ZNF385D: variants seen among roughly 807,000 people sequenced by gnomAD.
ZNF385D encodes the protein zinc finger protein 385D, also known as zinc finger protein 659.
ZNF385D carries 15 observed loss-of-function variants against 35.8 expected under a neutral mutation model. That is an observed-to-expected ratio of 0.42 (90% CI 0.28 to 0.64). The LOEUF is 0.64. ZNF385D is among the 30% of genes least tolerant of loss of function. The probability of loss-of-function intolerance (pLI) is 0.23; values close to 1 mark genes in which losing one functional copy is unlikely to be tolerated. For missense variants in ZNF385D, 474 were observed against 494.6 expected (o/e 0.96, Z 0.39); for synonymous variants, 212 against 186.8 (o/e 1.13, Z -1.10).
chr3:22,078,249 T>C (rs559005047), intron 3 of ZNF385D, among the ~76,000 whole-genome samples: 4 of 152,168 alleles, frequency 2.6e-5, no homozygotes, highest in African/African-American at 9.6e-5. Context: ...AATGATTTGG[T>C]TGTTTGGTGT....
intron 3 of ZNF385D, among the ~76,000 whole-genome samples, chr3:22,115,227 G>A (rs1312334993): frequency 3.3e-5 from 5 of 152,034 alleles, no homozygotes. Context: ...CAGGCCATGA[G>A]CAAAATTTAC....
chr3:22,359,009 T>C (rs1696283513), intron 2 of ZNF385D, among the ~76,000 whole-genome samples: 1 of 147,012 alleles, frequency 6.8e-6, no homozygotes, highest in Non-Finnish European at 1.5e-5. Context: ...TTTCTGACAT[T>C]AGGCAAAAAA....
chr3:21,846,779 G>T (rs573954996), intron 3 of ZNF385D, among the ~76,000 whole-genome samples: 2 of 151,922 alleles, frequency 1.3e-5, no homozygotes, highest in African/African-American at 4.8e-5. Context: ...TTAATGGTGC[G>T]CCCAGGAGAA....
intron 2 of ZNF385D, among the ~76,000 whole-genome samples, chr3:22,353,814 G>A (rs990324590): frequency 6.6e-6 from 1 of 152,058 alleles, no homozygotes; most frequent in South Asian, 2.1e-4. Flanking sequence ...GAGCAAATGA[G>A]TGTATCTTTT....
At position 21,660,032 on chromosome 3, in the gene ZNF385D, C is replaced by T. The variant is rs549583924; in HGVS notation, c.165+4854G>A. On this transcript the variant is annotated intron_variant, in intron 2 of 7. Transcript: ENST00000281523. ...ACTTGTTGATCAAAACCCAACCTCA[C>T]AGTACACTCAAGTTTCCAGCAGTTG... Among the ~76,000 whole-genome samples the T allele has an allele frequency of 3.9e-5, 6 of 152,212 alleles. No individual in the cohort carries two copies. In the South Asian group the frequency reaches 1.2e-3, roughly 32 times the overall value.
intron 1 of ZNF385D, among the ~76,000 whole-genome samples, chr3:21,694,221 T>G (rs2067391386): frequency 6.6e-6 from 1 of 151,774 alleles, no homozygotes; most frequent in South Asian, 2.1e-4. Context: ...TTTTTTGTAT[T>G]TTCAGTGGAG....
chr3:22,094,469 G>A (rs1479998504), intron 3 of ZNF385D, among the ~76,000 whole-genome samples: 1 of 115,686 alleles, frequency 8.6e-6, no homozygotes, highest in Non-Finnish European at 1.9e-5. Context: ...ACTTAGAAAT[G>A]CCAGACATTG....
At chr3:21,712,255 C>T (rs151185101) in intron 1 of ZNF385D, among the ~76,000 whole-genome samples, 3 of 152,280 alleles carry the variant, frequency 2.0e-5, no homozygotes, top group African/African-American at 4.8e-5. Context: ...CCATTGTACA[C>T]GTCTACTTCT....
intron 3 of ZNF385D, among the ~76,000 whole-genome samples, chr3:22,043,452 CAAAGG>C (rs1685097242): frequency 1.3e-5 from 2 of 152,084 alleles, no homozygotes; most frequent in South Asian, 4.2e-4. Context: ...TATTTTAAAA[CAAAGG>C]AAAGTATAAT....
intron 1 of ZNF385D, among the ~76,000 whole-genome samples, chr3:21,701,911 G>A (rs1299297029): frequency 3.3e-5 from 5 of 152,172 alleles, no homozygotes; most frequent in African/African-American, 1.2e-4. Context: ...GAGCAGCCCC[G>A]TCTCTATGGC....
In ZNF385D at chr3:21,817,291, A is replaced by G. The variant is rs531370890; in HGVS notation, c.326-152263T>C. Reference sequence around the variant, plus strand: ...AGGCATGGGCAAGGACTTCATGACTATAACACCAAAAGCAATGGCAACAAA... The same window carrying G: ...AGGCATGGGCAAGGACTTCATGACTGTAACACCAAAAGCAATGGCAACAAA... On this transcript the variant is annotated intron_variant, in intron 3 of 5. Transcript: ENST00000494108. Among the ~76,000 whole-genome samples, 8 of 152,380 alleles carry G rather than the reference A, an allele frequency of 5.3e-5. No homozygotes were observed. In the East Asian group the frequency reaches 5.8e-4, roughly 11 times the overall value.
chr3:21,670,941 C>G (rs62237420), intron 1 of ZNF385D, among the ~76,000 whole-genome samples: 25,144 of 151,788 alleles, frequency 0.17, 2,283 homozygotes, highest in Middle Eastern at 0.28. Context: ...GCTTCTTGCT[C>G]AGTCTAGGGA....
At chr3:21,788,965 G>A (rs936500007) in intron 3 of ZNF385D, among the ~76,000 whole-genome samples, 1 of 152,134 alleles carries the variant, frequency 6.6e-6, no homozygotes, top group African/African-American at 2.4e-5. Flanking sequence ...AACAAAAAAA[G>A]AATGGAGCAG....
intron 1 of ZNF385D, among the ~76,000 whole-genome samples, chr3:21,672,331 T>C (rs1394308646): frequency 1.3e-5 from 2 of 152,018 alleles, no homozygotes; most frequent in East Asian, 3.9e-4. Context: ...TTTCAGAAAG[T>C]TGATCCAGCA....
At chr3:22,048,973 T>C (rs1699178227) in intron 3 of ZNF385D, among the ~76,000 whole-genome samples, 1 of 152,154 alleles carries the variant, frequency 6.6e-6, no homozygotes, top group African/African-American at 2.4e-5. Context: ...ACTTTTTCTT[T>C]GTTGGATAGT....
intron 3 of ZNF385D, among the ~76,000 whole-genome samples, chr3:21,937,588 GTATTTA>G (rs1263871906): frequency 1.2e-4 from 18 of 151,826 alleles, no homozygotes; most frequent in Admixed American, 7.9e-4. Context: ...TTCTAAAAAT[GTATTTA>G]TATTTATATT....
intron 3 of ZNF385D, among the ~76,000 whole-genome samples, chr3:22,123,962 C>CTCTATATATA (rs1491571691): frequency 3.2e-5 from 2 of 61,848 alleles, no homozygotes; most frequent in African/African-American, 1.2e-4. Flanking sequence ...CTCTCTCTCT[C>CTCTATATATA]TATATATATA....
At chr3:22,131,560 T>G (rs1609178) in intron 3 of ZNF385D, among the ~76,000 whole-genome samples, 1 of 151,830 alleles carries the variant, frequency 6.6e-6, no homozygotes, top group Non-Finnish European at 1.5e-5. Context: ...CAGGAGAGAA[T>G]GGAAGGAACT....
chr3:22,366,001 T>A (rs1696640422), intron 2 of ZNF385D, among the ~76,000 whole-genome samples: 1 of 152,148 alleles, frequency 6.6e-6, no homozygotes. Flanking sequence ...TGTGAAAATT[T>A]CAGAAACAAT....
Sources: allele counts gnomAD v4.1 joint callset (sites outside exome capture counted in the v4.1 genomes callset), GRCh38; gene constraint gnomAD v4.1.1; transcripts MANE v1.5; gene names NCBI Gene and HGNC (gene_info 2026-07-23, HGNC 2026-07-21).